The following FAM47E variants were observed in gnomAD, a reference collection of about 807,000 sequenced individuals.
The protein encoded by FAM47E is family with sequence similarity 47 member E.
Under a neutral mutation model 41.6 loss-of-function variants are expected in FAM47E, and 32 were observed. The observed-to-expected ratio is 0.77, with a 90% CI of 0.58 to 1.03. The LOEUF (loss-of-function observed/expected upper bound fraction) is 1.03, where lower values mean the gene tolerates loss of function less well. Among genes scored for constraint, FAM47E ranks in the 50% least tolerant of loss-of-function variants. The pLI is 0.00. For synonymous variants in FAM47E, 184 were observed against 188.7 expected, an observed-to-expected ratio of 0.98 and a Z score of 0.20; for missense variants, 424 against 485.4, an observed-to-expected ratio of 0.87 and a Z score of 1.19.
chr4:76,226,835 A>G (rs1733406787), intron 2 of FAM47E, among the ~76,000 whole-genome samples: 1 of 152,174 alleles, frequency 6.6e-6, no homozygotes, highest in South Asian at 2.1e-4. Context: ...GTGACCTTAA[A>G]TGATCTTTTG....
intron 7 of FAM47E, 38 bp downstream of exon 7, chr4:76,280,379 G>C: frequency 8.5e-7 from 1 of 1,178,282 alleles, no homozygotes. Flanking sequence ...CTGCTGAGGG[G>C]CTTCATGGCT....
At chr4:76,239,143 T>C (rs1194184351) in intron 2 of FAM47E, among the ~76,000 whole-genome samples, 1 of 152,228 alleles carries the variant, frequency 6.6e-6, no homozygotes, top group Non-Finnish European at 1.5e-5. Context: ...CATCCACCAA[T>C]AGTCACTTGG....
In FAM47E at chr4:76,221,798, T is replaced by C. The variant is rs539837912; in HGVS notation, c.81+4110T>C. Among the ~76,000 whole-genome samples, 3 of 152,322 alleles carry C rather than the reference T, an allele frequency of 2.0e-5. No homozygotes were observed. The South Asian group carries it at 6.2e-4, about 32-fold the overall frequency. On this transcript the variant is annotated intron_variant, in intron 2 of 7. Coordinates refer to the FAM47E transcript ENST00000510197. The stretch of plus-strand genomic sequence containing the variant: ...GGAGTATAGGTTGAAAACCTACCTA[T>C]TGGGTATCATGCTCACTACCTGGGT...
upstream of FAM47E, among the ~76,000 whole-genome samples, chr4:76,250,566 A>G (rs371916592): frequency 5.9e-5 from 9 of 152,220 alleles, no homozygotes; most frequent in East Asian, 9.7e-4. Context: ...TTAATCAAGC[A>G]TTGTTTGGGC....
chr4:76,223,559 T>G (rs563159426), intron 2 of FAM47E, among the ~76,000 whole-genome samples: 19 of 152,198 alleles, frequency 1.2e-4, no homozygotes, highest in African/African-American at 3.9e-4. Flanking sequence ...CTACTCAAAG[T>G]GTGATCCCAA....
chr4:76,244,294 C>T (rs1733774584), intron 2 of FAM47E, among the ~76,000 whole-genome samples: 1 of 152,078 alleles, frequency 6.6e-6, no homozygotes, highest in Non-Finnish European at 1.5e-5. Flanking sequence ...ATTTCTAGTT[C>T]TAGATCCTTG....
intron 3 of FAM47E, among the ~76,000 whole-genome samples, chr4:76,264,391 G>A (rs1734543770): frequency 6.6e-6 from 1 of 151,706 alleles, no homozygotes; most frequent in South Asian, 2.1e-4. Flanking sequence ...TAGGTCTACT[G>A]CTTGGAGTTT....
chr4:76,249,584 T>G (rs1323838624), upstream of FAM47E, among the ~76,000 whole-genome samples: 3 of 152,044 alleles, frequency 2.0e-5, no homozygotes, highest in Non-Finnish European at 2.9e-5. Context: ...TATTTTTTTT[T>G]TGGTTACATG....
intron 2 of FAM47E, among the ~76,000 whole-genome samples, chr4:76,233,861 TG>T (rs71212406): frequency 0.13 from 19,570 of 151,792 alleles, 1,560 homozygotes; most frequent in East Asian, 0.34. Context: ...GATAGTTGGT[TG>T]GGGGGGGCTT....
chr4:76,269,576 A>C (rs1303249806), intron 4 of FAM47E: 1 of 152,080 alleles, frequency 6.6e-6, no homozygotes, highest in Non-Finnish European at 1.5e-5. Flanking sequence ...AGATTGCGCC[A>C]CTGTACTCCA....
chr4:76,232,770 G>T (rs1733515276), intron 2 of FAM47E, among the ~76,000 whole-genome samples: 1 of 152,040 alleles, frequency 6.6e-6, no homozygotes, highest in Admixed American at 6.6e-5. Flanking sequence ...TATCAGAAAA[G>T]ACAATTATGA....
At chr4:76,254,931 AC>A (rs1319999388) in intron 1 of FAM47E, among the ~76,000 whole-genome samples, 1 of 152,118 alleles carries the variant, frequency 6.6e-6, no homozygotes, top group Non-Finnish European at 1.5e-5. Context: ...CTCAATGCTA[AC>A]AGGGCGCTGG....
intron 3 of FAM47E, chr4:76,267,368 A>G (rs574229350): frequency 6.6e-6 from 1 of 152,404 alleles, no homozygotes; most frequent in African/African-American, 2.4e-5. Flanking sequence ...CAGATGCAAC[A>G]GCTCAAGCAA....
intron 2 of FAM47E, among the ~76,000 whole-genome samples, chr4:76,226,350 C>T (rs1420330067): frequency 6.6e-6 from 1 of 152,206 alleles, no homozygotes; most frequent in Non-Finnish European, 1.5e-5. Context: ...GCATTATGCT[C>T]TGCTACTTGA....
At position 76,278,436 on chromosome 4, in the gene FAM47E, T is replaced by G. The variant is rs1328713951; in HGVS notation, c.1026+212T>G. 8.5e-6 allele frequency: 4 copies of G among 472,380 alleles called. No individual in the cohort carries two copies. The East Asian group carries it at 1.0e-4, about 12-fold the overall frequency. 29.3% of individuals were successfully genotyped at this position (472,380 alleles called of 1,614,324 possible). A position where few individuals can be genotyped will look rare whatever the true frequency, so the allele number is the denominator to read the frequency against. The stretch of plus-strand genomic sequence containing the variant: ...GAATCTCCTGGCTTTGTGGTAGACA[T>G]GACATCTCTAAAGATTGGACAGCTA... On this transcript the variant is annotated intron_variant, in intron 6 of 7. Transcript: ENST00000424749.
chr4:76,236,232 T>C (rs1348219371), intron 2 of FAM47E: 1 of 152,218 alleles, frequency 6.6e-6, no homozygotes, highest in East Asian at 1.9e-4. Context: ...AACAAACAGA[T>C]GTTAAATGAT....
At chr4:76,265,004 T>C (rs2110013912) in intron 3 of FAM47E, among the ~76,000 whole-genome samples, 1 of 152,330 alleles carries the variant, frequency 6.6e-6, no homozygotes, top group East Asian at 1.9e-4. Context: ...GTGTGGACTG[T>C]GGTCAGTGTG....
intron 7 of FAM47E, 156 bp downstream of exon 7, chr4:76,280,497 C>T (rs569877573): frequency 1.6e-4 from 83 of 531,446 alleles, no homozygotes; most frequent in African/African-American, 1.3e-3. Flanking sequence ...TCTCCCCAGA[C>T]GGGGACTCAG....
chr4:76,238,604 T>C (rs377599508), intron 2 of FAM47E, among the ~76,000 whole-genome samples: 2 of 152,220 alleles, frequency 1.3e-5, no homozygotes, highest in Admixed American at 1.3e-4. Context: ...GGCAATCAAA[T>C]GAAACTATTG....
Sources: gnomAD v4.1 joint callset for allele counts (sites outside exome capture counted in the v4.1 genomes callset) on GRCh38, gnomAD v4.1.1 for gene constraint, MANE v1.5 for transcripts, NCBI Gene and HGNC (gene_info 2026-07-23, HGNC 2026-07-21) for gene names.